The following TAOK1 variants were observed in gnomAD, a reference collection of about 807,000 sequenced individuals.
The protein encoded by TAOK1 is serine/threonine-protein kinase TAO1.
TAOK1 carries 21 observed loss-of-function variants against 138.3 expected under a neutral mutation model. The ratio of observed to expected loss-of-function variants is 0.15; its 90% CI spans 0.11 to 0.22. The LOEUF is 0.22. Among genes scored for constraint, TAOK1 ranks in the 10% least tolerant of loss-of-function variants. The pLI is 1.00. For missense variants in TAOK1, 651 were observed against 1,227.7 expected (o/e 0.53, Z 7.02); for synonymous variants, 361 against 398.4 (o/e 0.91, Z 1.12).
chr17:29,477,798 A>G, intron 5 of TAOK1, 92 bp downstream of exon 5: 3 of 735,992 alleles, frequency 4.1e-6, no homozygotes, highest in Non-Finnish European at 5.7e-6. Context: ...CAAATAATGT[A>G]AAACTTTCCA....
At chr17:29,474,852 T>TA (rs146185988) in intron 3 of TAOK1, among the ~76,000 whole-genome samples, 91,664 of 149,878 alleles carry the variant, frequency 0.61, 29,043 homozygotes, top group East Asian at 0.96. Flanking sequence ...TCAATTTGTT[T>TA]TAAAAAAAAA....
chr17:29,416,234 A>G (rs1439569487), intron 1 of TAOK1, among the ~76,000 whole-genome samples: 1 of 152,224 alleles, frequency 6.6e-6, no homozygotes, highest in Admixed American at 6.5e-5. Context: ...ACTGCACTCC[A>G]GTCTGAGTGA....
intron 1 of TAOK1, chr17:29,403,718 CT>C: frequency 6.6e-6 from 1 of 152,074 alleles, no homozygotes; most frequent in Non-Finnish European, 1.5e-5. Context: ...TTTTGTGTTT[CT>C]TTTCAGACAG....
chr17:29,446,972 A>G (rs2030096710), intron 1 of TAOK1, among the ~76,000 whole-genome samples: 1 of 150,724 alleles, frequency 6.6e-6, no homozygotes, highest in African/African-American at 2.4e-5. Context: ...ACTCCTGACT[A>G]GGGATGATCC....
intron 16 of TAOK1, 141 bp downstream of exon 16, chr17:29,517,797 A>T (rs1567741939): frequency 1.3e-6 from 1 of 776,448 alleles, no homozygotes; most frequent in East Asian, 2.7e-5. Context: ...ATTCACATGG[A>T]TTGTTTGCTC....
At chr17:29,398,824 C>T (rs1312396109) in intron 1 of TAOK1, among the ~76,000 whole-genome samples, 5 of 151,970 alleles carry the variant, frequency 3.3e-5, no homozygotes, top group African/African-American at 1.2e-4. Flanking sequence ...GCATGAGCCA[C>T]CACACCCGTT....
At position 29,551,501 on chromosome 17, in the gene TAOK1, A is replaced by G. The variant is rs2032494628; in HGVS notation, c.*8479A>G. The G allele has an allele frequency of 1.3e-5, 2 of 152,476 alleles. No homozygotes were observed. The highest frequency in any genetic ancestry group is 2.1e-4 in the South Asian group (1 of 4,828). 9.4% of individuals were successfully genotyped at this position (152,476 alleles called of 1,614,324 possible). A position where few individuals can be genotyped will look rare whatever the true frequency, so the allele number is the denominator to read the frequency against. ...TACCACTTTACCAATAACTAATTTTAAATACACATTGTCCTCTCGATTTTT... is the reference window on the plus strand; with the variant it reads ...TACCACTTTACCAATAACTAATTTTGAATACACATTGTCCTCTCGATTTTT... On this transcript the variant is annotated 3_prime_UTR_variant, in exon 20 of 20. Coordinates refer to ENST00000261716, the MANE Select transcript of TAOK1 (RefSeq NM_020791.4).
chr17:29,394,166 T>TTTTTG (rs1352110172), intron 1 of TAOK1, among the ~76,000 whole-genome samples: 1 of 125,238 alleles, frequency 8.0e-6, no homozygotes, highest in Admixed American at 8.3e-5. Flanking sequence ...TTTTTTTTTT[T>TTTTTG]TTTTTTTTTT....
intron 5 of TAOK1, among the ~76,000 whole-genome samples, chr17:29,477,977 A>G (rs1408313057): frequency 6.6e-6 from 1 of 152,170 alleles, no homozygotes. Context: ...CAAACCAAAG[A>G]TAAGTGAGAA....
chr17:29,523,297 A>G (rs937612642), intron 17 of TAOK1, among the ~76,000 whole-genome samples: 1 of 151,788 alleles, frequency 6.6e-6, no homozygotes, highest in African/African-American at 2.4e-5. Flanking sequence ...AAAAAACAAG[A>G]AAAAGTTTTC....
chr17:29,450,684 T>A (rs2030208519), intron 1 of TAOK1, among the ~76,000 whole-genome samples: 1 of 152,126 alleles, frequency 6.6e-6, no homozygotes, highest in Admixed American at 6.6e-5. Context: ...GCTAATTTTT[T>A]AAATTTATTT....
intron 17 of TAOK1, among the ~76,000 whole-genome samples, chr17:29,523,805 C>T (rs1334910914): frequency 6.6e-6 from 1 of 152,110 alleles, no homozygotes; most frequent in East Asian, 1.9e-4. Flanking sequence ...GTCCAGTTTC[C>T]ACAGTATTTC....
At chr17:29,483,123 G>A (rs946723572) in intron 8 of TAOK1, among the ~76,000 whole-genome samples, 6 of 152,028 alleles carry the variant, frequency 3.9e-5, no homozygotes, top group African/African-American at 1.4e-4. Context: ...TGTCACCCAG[G>A]CTGGAGTACA....
chr17:29,516,822 G>A (rs1263976932), intron 15 of TAOK1, among the ~76,000 whole-genome samples: 2 of 151,470 alleles, frequency 1.3e-5, no homozygotes, highest in Non-Finnish European at 2.9e-5. Flanking sequence ...TGTTGTTGTT[G>A]TTGTTGGTTT....
intron 15 of TAOK1, chr17:29,513,052 T>TTC (rs1950637115): frequency 3.9e-5 from 3 of 76,380 alleles, no homozygotes; most frequent in African/African-American, 5.6e-5. Context: ...TCTTTTAATT[T>TTC]ACCCACCCCC....
rs947350993 is a variant in TAOK1 at position 29,547,467 on chromosome 17, C to T, written c.*4445C>T. 6.6e-6 allele frequency: 1 copy of T among 152,136 alleles called. No homozygotes were observed. The highest frequency in any genetic ancestry group is 1.9e-4 in the East Asian group (1 of 5,194). 9.4% of individuals were successfully genotyped at this position (152,136 alleles called of 1,614,324 possible). The stretch of plus-strand genomic sequence containing the variant: ...CTATTCAAGTAGAGATTTGCCCCAA[C>T]ACATTAACTTTTTCCTTGGAGATTT... On this transcript the variant is annotated 3_prime_UTR_variant, in exon 20 of 20. Transcript: ENST00000261716.
intron 16 of TAOK1, among the ~76,000 whole-genome samples, chr17:29,519,868 T>A (rs550119866): frequency 1.3e-5 from 2 of 152,298 alleles, no homozygotes; most frequent in African/African-American, 4.8e-5. Context: ...AATAGTAACA[T>A]GATTCTGTGA....
chr17:29,416,199 G>A (rs892104604), intron 1 of TAOK1, among the ~76,000 whole-genome samples: 1 of 152,176 alleles, frequency 6.6e-6, no homozygotes, highest in Non-Finnish European at 1.5e-5. Context: ...AGGAGACAGA[G>A]GTTGCAGTGA....
At chr17:29,518,082 C>T (rs1598518457) in intron 16 of TAOK1, among the ~76,000 whole-genome samples, 2 of 152,216 alleles carry the variant, frequency 1.3e-5, no homozygotes, top group East Asian at 3.8e-4. Flanking sequence ...TCTTGAACTC[C>T]TGGCCTCATG....
Sources: allele counts gnomAD v4.1 joint callset (sites outside exome capture counted in the v4.1 genomes callset), GRCh38; gene constraint gnomAD v4.1.1; transcripts MANE v1.5; gene names NCBI Gene and HGNC (gene_info 2026-07-23, HGNC 2026-07-21).